Variants in RNF213 observed in about 807,000 individuals in gnomAD.
RNF213 encodes E3 ubiquitin-protein ligase RNF213.
RNF213 carries 341 observed loss-of-function variants against 514.4 expected under a neutral mutation model. That is an observed-to-expected ratio of 0.66 (90% CI 0.61 to 0.73). The LOEUF (loss-of-function observed/expected upper bound fraction) is 0.73, where lower values mean the gene tolerates loss of function less well. RNF213 is among the 30% of genes least tolerant of loss of function. The probability of loss-of-function intolerance (pLI) is 0.00; values close to 1 mark genes in which losing one functional copy is unlikely to be tolerated. For synonymous variants in RNF213, 2,655 were observed against 2,658.2 expected (o/e 1.00, Z 0.04); for missense variants, 5,767 against 6,615.6 (o/e 0.87, Z 4.45).
rs1279432686 is a variant in RNF213 at position 80,346,679 on chromosome 17, G to A, written c.8344G>A (p.Val2782Met). 2.5e-6 allele frequency: 4 copies of A among 1,611,118 alleles called. No homozygotes were observed. The highest frequency in any genetic ancestry group is 3.4e-6 in the Non-Finnish European group (4 of 1,180,016). ...GSSKSLAKTIVADAMQGPAAY... is the reference protein window; with the variant it reads ...GSSKSLAKTIMADAMQGPAAY... The stretch of plus-strand genomic sequence containing the variant: ...CTCCAAGTCTCTCGCCAAGACCATC[G>A]TGGCAGACGCCATGCAGGGCCCGGC... Residue 2782 changes from valine (V) to methionine (M), a missense_variant, in exon 29 of 68, where the codon GTG (valine) becomes ATG (methionine). By Grantham distance (21) the Val-to-Met change is conservative (BLOSUM62 1). This residue lies in a region of RNF213 where 105 missense variants were observed against 183.9 expected (regional missense o/e 0.57). Coordinates refer to ENST00000582970, the MANE Select transcript of RNF213 (RefSeq NM_001256071.3). This position sits in a 1 kb window ranked among gnomAD's most constrained non-coding sequence, Gnocchi z 8.1.
At position 80,395,063 on chromosome 17, in the gene RNF213, GGAGTC is replaced by G. The variant is rs1190699790; in HGVS notation, c.*1570_*1574del. ...TCACTGGCCACACCTCAGCAGGGGG[GGAGTC>G]GAGTGTCAGTCTCTTTCTGTGAAGG... On this transcript the variant is annotated 3_prime_UTR_variant, in exon 68 of 68. Transcript: ENST00000582970. 2.6e-5 allele frequency: 4 copies of G among 152,136 alleles called. No individual in the cohort carries two copies. Among genetic ancestry groups the G allele is most frequent in the Non-Finnish European group, 5.9e-5 (4 of 68,030 alleles). The allele number at this position is 152,136 out of a possible 1,614,324, so 9.4% of individuals were successfully genotyped here. A position where few individuals can be genotyped will look rare whatever the true frequency, so the allele number is the denominator to read the frequency against.
chr17:80,277,454 C>T (rs964189328), intron 3 of RNF213, among the ~76,000 whole-genome samples: 2 of 151,722 alleles, frequency 1.3e-5, no homozygotes, highest in African/African-American at 2.4e-5. Flanking sequence ...AAAAAGTAGC[C>T]GGGTGTGGTG....
chr17:80,301,923 A>G (rs111890277), intron 11 of RNF213, among the ~76,000 whole-genome samples: 285 of 152,374 alleles, frequency 1.9e-3, no homozygotes, highest in African/African-American at 5.9e-3. Flanking sequence ...AGTGTTGTCT[A>G]TATACACAGT....
At chr17:80,377,000 G>GA in intron 53 of RNF213, 37 bp downstream of exon 53, 10 of 1,493,408 alleles carry the variant, frequency 6.7e-6, no homozygotes, top group Non-Finnish European at 8.4e-6. Flanking sequence ...ACACTCCTTT[G>GA]AGCTTCAAAG....
rs1294887286 is a variant in RNF213 at position 80,273,322 on chromosome 17, G to C, written c.179G>C (p.Gly60Ala). ...ECGQELKEEG[G>A]PCLFPGSDSW... ...GGGCAGGAGCTGAAGGAGGAAGGGG[G>C]CCCGTGCTTGTTCCCGGGCTCAGAC... Residue 60 changes from glycine (G) to alanine (A), a missense_variant, in exon 3 of 68, where the codon GGC becomes GCC. Around this residue, in one of 13 missense-constraint regions of RNF213, gnomAD observed 509 missense variants for 496.7 expected, o/e 1.02. Transcript: ENST00000582970. The C allele has an allele frequency of 6.2e-7, 1 of 1,613,534 alleles. No homozygotes were observed. The highest frequency in any genetic ancestry group is 1.1e-5 in the South Asian group (1 of 91,088).
intron 2 of RNF213, among the ~76,000 whole-genome samples, chr17:80,271,273 C>T (rs909114572): frequency 2.0e-5 from 3 of 152,118 alleles, no homozygotes; most frequent in Non-Finnish European, 2.9e-5. Flanking sequence ...TGTATGTAGA[C>T]GTTTAGAGGA....
intron 3 of RNF213, chr17:80,278,655 G>C: frequency 7.2e-7 from 1 of 1,390,890 alleles, no homozygotes; most frequent in Non-Finnish European, 9.7e-7. Flanking sequence ...TCCCTGCCTG[G>C]GCCTTCCCAA....
At chr17:80,350,212 G>T in intron 30 of RNF213, 89 bp from the exon 31 acceptor site, 1 of 879,896 alleles carries the variant, frequency 1.1e-6, no homozygotes. Context: ...TTTCTTTGTA[G>T]CCTTTATGTT....
chr17:80,284,628 T>C (rs747253900), intron 3 of RNF213, among the ~76,000 whole-genome samples: 1 of 152,142 alleles, frequency 6.6e-6, no homozygotes, highest in Admixed American at 6.5e-5. Flanking sequence ...GGAAGTTTAT[T>C]ATGGACACAC....
rs375602932 is a variant in RNF213, at chr17:80,346,954, C to T, written c.8619C>T (p.Pro2873=). ...LLEDGCIEDD[P]APHKKVGFVG... ...AAGACGGATGCATTGAAGACGATCC[C>T]GCCCCCCACAAAAAGGTCGGCTTCG... The change falls in exon 29 of 68, where the codon CCC becomes CCT. Residue 2873 remains proline, a synonymous_variant. Coordinates refer to ENST00000582970, the MANE Select transcript of RNF213 (RefSeq NM_001256071.3). The surrounding 1 kb of genome is among the most constrained non-coding windows in gnomAD (Gnocchi z 8.1). The T allele has an allele frequency of 1.4e-4, 223 of 1,613,694 alleles. No individual in the cohort carries two copies. The Admixed American group carries it at 2.2e-3, about 16-fold the overall frequency.
At chr17:80,371,371 G>A (rs529162036) in intron 46 of RNF213, among the ~76,000 whole-genome samples, 8 of 152,360 alleles carry the variant, frequency 5.3e-5, no homozygotes, top group Admixed American at 2.0e-4. Context: ...ATGCTGCAGC[G>A]ATGGGGAGCA....
intron 67 of RNF213, among the ~76,000 whole-genome samples, chr17:80,391,331 C>T (rs564829167): frequency 3.3e-5 from 5 of 152,228 alleles, no homozygotes; most frequent in East Asian, 1.9e-4. Context: ...AGTGCAGTGG[C>T]GCAATCTTGG....
chr17:80,303,989 A>C (rs2045271271), intron 11 of RNF213, among the ~76,000 whole-genome samples: 1 of 150,350 alleles, frequency 6.7e-6, no homozygotes, highest in South Asian at 2.1e-4. Flanking sequence ...GAAAACAGTC[A>C]ATATAGTCAG....
At chr17:80,357,329 A>G (rs554896742) in intron 36 of RNF213, among the ~76,000 whole-genome samples, 1 of 152,292 alleles carries the variant, frequency 6.6e-6, no homozygotes. Context: ...TTAACCAATT[A>G]TCTTTCTGTC....
At chr17:80,312,162 G>A (rs182881172) in intron 14 of RNF213, among the ~76,000 whole-genome samples, 1 of 152,052 alleles carries the variant, frequency 6.6e-6, no homozygotes, top group Admixed American at 6.5e-5. Flanking sequence ...AAAAGAAAAA[G>A]ACCACACATT....
intron 2 of RNF213, among the ~76,000 whole-genome samples, chr17:80,269,670 A>T (rs371096537): frequency 6.6e-6 from 1 of 152,074 alleles, no homozygotes; most frequent in African/African-American, 2.4e-5. Flanking sequence ...CTATCCATCC[A>T]TCCATTCATC....
chr17:80,389,212 C>A lies in RNF213; in HGVS notation c.15040C>A (p.Gln5014Lys). 6.2e-7 allele frequency: 1 copy of A among 1,614,172 alleles called. No homozygotes were observed. Among genetic ancestry groups the A allele is most frequent in the Non-Finnish European group, 8.5e-7 (1 of 1,179,982 alleles). The part of the protein sequence containing the change: ...PSSVISAISG[Q>K]LQSYSDACEV... Reference sequence around the variant, plus strand: ...CTCGGTCATTAGTGCCATCAGTGGACAGCTGCAGTCCTACAGCGATGCCTG... The same window carrying A: ...CTCGGTCATTAGTGCCATCAGTGGAAAGCTGCAGTCCTACAGCGATGCCTG... The change falls in exon 65 of 68, where the codon CAG (glutamine) becomes AAG (lysine). Residue 5014 changes from glutamine (Q) to lysine (K), a missense_variant. Coordinates refer to ENST00000582970, the MANE Select transcript of RNF213 (RefSeq NM_001256071.3).
intron 3 of RNF213, among the ~76,000 whole-genome samples, chr17:80,283,645 T>C (rs2044374672): frequency 1.3e-5 from 2 of 152,204 alleles, no homozygotes; most frequent in Non-Finnish European, 2.9e-5. Context: ...CTGGCAGCTG[T>C]TCCTAAGGTC....
intron 8 of RNF213, among the ~76,000 whole-genome samples, chr17:80,293,219 G>A (rs1004602926): frequency 1.3e-5 from 2 of 151,770 alleles, no homozygotes; most frequent in African/African-American, 2.4e-5. Flanking sequence ...CACCATGTCT[G>A]GCAAATTTTT....
Sources: allele counts gnomAD v4.1 joint callset (sites outside exome capture counted in the v4.1 genomes callset), GRCh38; gene constraint gnomAD v4.1.1; regional missense constraint gnomAD v4.1.1; non-coding constraint Gnocchi (gnomAD v3.1); transcripts MANE v1.5; gene names NCBI Gene and HGNC (gene_info 2026-07-23, HGNC 2026-07-21).